PTPN4: variants seen among roughly 807,000 people sequenced by gnomAD.
PTPN4 encodes the protein tyrosine-protein phosphatase non-receptor type 4.
In PTPN4, 49 loss-of-function variants were observed where a neutral mutation model predicts 135.5. That is an observed-to-expected ratio of 0.36 (90% CI 0.29 to 0.46). The LOEUF (loss-of-function observed/expected upper bound fraction) is 0.46, where lower values mean the gene tolerates loss of function less well. PTPN4 is among the 20% of genes least tolerant of loss of function. PTPN4 has a pLI of 1.00. For missense variants in PTPN4, 860 were observed against 1,101.0 expected (o/e 0.78, Z 3.10); for synonymous variants, 333 against 369.9 (o/e 0.90, Z 1.14).
At chr2:119,855,932 G>A (rs1351163633) in intron 2 of PTPN4, among the ~76,000 whole-genome samples, 3 of 151,986 alleles carry the variant, frequency 2.0e-5, no homozygotes, top group Non-Finnish European at 4.4e-5. Context: ...AGCCTCCCAA[G>A]TAGCTAGGAC....
At chr2:119,809,194 A>G (rs949706180) in intron 1 of PTPN4, among the ~76,000 whole-genome samples, 1 of 151,920 alleles carries the variant, frequency 6.6e-6, no homozygotes, top group Admixed American at 6.6e-5. Flanking sequence ...TTAAACATCT[A>G]GTATCGCTGA....
At chr2:119,948,544 C>G (rs551482104) in intron 18 of PTPN4, among the ~76,000 whole-genome samples, 5 of 151,996 alleles carry the variant, frequency 3.3e-5, no homozygotes, top group South Asian at 2.1e-4. Context: ...AGTACTTACA[C>G]AGGGATATTA....
At chr2:119,832,658 A>G (rs761752064) in intron 2 of PTPN4, among the ~76,000 whole-genome samples, 1 of 151,946 alleles carries the variant, frequency 6.6e-6, no homozygotes, top group African/African-American at 2.4e-5. Context: ...AGATACTTGT[A>G]TATCTTTTTC....
chr2:119,909,997 C>T (rs962175847), intron 10 of PTPN4, among the ~76,000 whole-genome samples: 6 of 152,114 alleles, frequency 3.9e-5, no homozygotes, highest in African/African-American at 1.4e-4. Flanking sequence ...GAGATGGAAT[C>T]TACTATTGGT....
intron 2 of PTPN4, among the ~76,000 whole-genome samples, chr2:119,848,827 C>A (rs1431286465): frequency 6.6e-6 from 1 of 151,916 alleles, no homozygotes. Context: ...TCTCAAACTT[C>A]TGACCTCGTG....
At chr2:119,801,310 G>GCTC (rs957349798) in intron 1 of PTPN4, among the ~76,000 whole-genome samples, 34 of 152,048 alleles carry the variant, frequency 2.2e-4, no homozygotes, top group Non-Finnish European at 2.1e-4. Flanking sequence ...CTGGTCTTGA[G>GCTC]CTCCTGGCCT....
At chr2:119,882,182 A>G (rs1260225377) in intron 7 of PTPN4, 33 bp downstream of exon 7, 2 of 1,561,354 alleles carry the variant, frequency 1.3e-6, no homozygotes, top group South Asian at 1.1e-5. Flanking sequence ...GTCAAATAGC[A>G]TATAACTGTG....
chr2:119,864,708 A>C (rs1218171892), intron 3 of PTPN4, among the ~76,000 whole-genome samples: 1 of 152,198 alleles, frequency 6.6e-6, no homozygotes, highest in Admixed American at 6.5e-5. Flanking sequence ...GTATACAAAA[A>C]GACATATCAT....
intron 2 of PTPN4, among the ~76,000 whole-genome samples, chr2:119,845,114 A>C (rs1472158911): frequency 2.3e-4 from 34 of 145,818 alleles, no homozygotes; most frequent in African/African-American, 5.2e-4. Flanking sequence ...TGGCGGCGCG[A>C]GCCTGCAATC....
At chr2:119,853,467 A>T (rs1558745548) in intron 2 of PTPN4, among the ~76,000 whole-genome samples, 1 of 151,938 alleles carries the variant, frequency 6.6e-6, no homozygotes, top group South Asian at 2.1e-4. Context: ...TTTTTAGGTG[A>T]TTCTTGCTAT....
At chr2:119,930,829 GTT>G (rs533782080) in intron 13 of PTPN4, among the ~76,000 whole-genome samples, 5 of 138,458 alleles carry the variant, frequency 3.6e-5, no homozygotes, top group Admixed American at 7.2e-5. Context: ...CTTGGTAATT[GTT>G]TTTTTTTTTT....
rs1690824040 is a variant in PTPN4 at position 119,775,801 on chromosome 2, GGATAT to G, written c.-18+15418_-18+15422del. 6.7e-5 allele frequency among the ~76,000 whole-genome samples: 7 copies of G among 104,938 alleles called. 1 individual carries two copies. Among genetic ancestry groups the G allele is most frequent in the Admixed American group, 6.1e-4 (5 of 8,236 alleles). The allele number at this position is 104,938 out of a possible 152,430, so 68.8% of individuals were successfully genotyped here. A position where few individuals can be genotyped will look rare whatever the true frequency, so the allele number is the denominator to read the frequency against. ...TCAGGGAACTCATAAAAGAGATTGT[GGATAT>G]CTATATCTATATCTATATCTATATC... On this transcript the variant is annotated intron_variant, in intron 1 of 26. Transcript: ENST00000263708.
intron 13 of PTPN4, among the ~76,000 whole-genome samples, chr2:119,931,505 C>CT (rs1558767519): frequency 1.5e-5 from 2 of 131,794 alleles, no homozygotes; most frequent in Admixed American, 9.1e-5. Flanking sequence ...TGCAGTGGTG[C>CT]TATCACAGCT....
chr2:119,906,673 A>G (rs559403674), intron 10 of PTPN4, among the ~76,000 whole-genome samples: 14 of 152,230 alleles, frequency 9.2e-5, no homozygotes, highest in Non-Finnish European at 1.6e-4. Flanking sequence ...TCTTGACACA[A>G]TCAAGGCCAT....
In PTPN4 at chr2:119,952,030, C is replaced by A; in HGVS notation, c.1714C>A (p.Arg572=). ...EGDQVVLING[R]DIAEHTHDQV... is the part of the protein sequence containing the mutation. ...GGACCAAGTTGTACTGATCAATGGTCGGGACATTGCAGAACACACTCATGA... is the reference window on the plus strand; with the variant it reads ...GGACCAAGTTGTACTGATCAATGGTAGGGACATTGCAGAACACACTCATGA... Residue 572 remains arginine, a synonymous_variant, in exon 19 of 27, where the codon CGG becomes AGG. Coordinates refer to ENST00000263708, the MANE Select transcript of PTPN4 (RefSeq NM_002830.4). The A allele has an allele frequency of 1.2e-6, 2 of 1,613,110 alleles. No homozygotes were observed. The highest frequency in any genetic ancestry group is 2.2e-5 in the South Asian group (2 of 91,000).
In PTPN4 at chr2:119,848,166, C is replaced by CCTTTTT. The variant is rs1357151787; in HGVS notation, c.139-14357_139-14352dup. Among the ~76,000 whole-genome samples, 5 of 149,014 alleles carry CCTTTTT rather than the reference C, an allele frequency of 3.4e-5. 1 individual carries two copies. The East Asian group carries it at 5.9e-4, about 18-fold the overall frequency. On this transcript the variant is annotated intron_variant, in intron 2 of 26. Coordinates refer to ENST00000263708, the MANE Select transcript of PTPN4 (RefSeq NM_002830.4). The stretch of plus-strand genomic sequence containing the variant: ...ATCCACATTTCTATTTTTTTTTTCT[C>CCTTTTT]CTTTTTCTTTTTCTTTTTTTTTTTT...
At chr2:119,864,607 A>G (rs1677806177) in intron 3 of PTPN4, among the ~76,000 whole-genome samples, 1 of 152,108 alleles carries the variant, frequency 6.6e-6, no homozygotes, top group South Asian at 2.1e-4. Flanking sequence ...TACCATAAAT[A>G]TGAAAACAGT....
intron 1 of PTPN4, among the ~76,000 whole-genome samples, chr2:119,774,057 A>T (rs1265580243): frequency 2.0e-5 from 3 of 152,212 alleles, no homozygotes; most frequent in Non-Finnish European, 4.4e-5. Context: ...ATGCCATGTG[A>T]TGCTAATCAT....
chr2:119,917,465 G>A (rs536678447), intron 11 of PTPN4, among the ~76,000 whole-genome samples: 1 of 152,286 alleles, frequency 6.6e-6, no homozygotes, highest in South Asian at 2.1e-4. Context: ...CAGGTGCGGT[G>A]GCTCACGCCT....
Sources: gnomAD v4.1 joint callset for allele counts (sites outside exome capture counted in the v4.1 genomes callset) on GRCh38, gnomAD v4.1.1 for gene constraint, MANE v1.5 for transcripts, NCBI Gene and HGNC (gene_info 2026-07-23, HGNC 2026-07-21) for gene names.